The following PARVA variants were observed in gnomAD, a reference collection of about 807,000 sequenced individuals.
PARVA encodes the protein alpha-parvin.
PARVA carries 25 observed loss-of-function variants against 52.6 expected under a neutral mutation model. The ratio of observed to expected loss-of-function variants is 0.48; its 90% confidence interval spans 0.35 to 0.66. The LOEUF (loss-of-function observed/expected upper bound fraction) is 0.66. Among genes scored for constraint, PARVA ranks in the 30% least tolerant of loss-of-function variants. The pLI is 0.01. For missense variants in PARVA, 373 were observed against 450.9 expected (o/e 0.83, Z 1.56); for synonymous variants, 185 against 179.1 (o/e 1.03, Z -0.26).
At chr11:12,442,635 T>C (rs1319434980) in intron 1 of PARVA, among the ~76,000 whole-genome samples, 2 of 151,952 alleles carry the variant, frequency 1.3e-5, no homozygotes, top group Non-Finnish European at 2.9e-5. Context: ...GACTAAGCTC[T>C]TAGGGGTGCA....
chr11:12,526,222 AAAAT>A (rs1384055664), intron 12 of PARVA, among the ~76,000 whole-genome samples: 1 of 144,918 alleles, frequency 6.9e-6, no homozygotes, highest in African/African-American at 2.5e-5. Flanking sequence ...ATTGAAATAA[AAAAT>A]AAAATCTTTT....
chr11:12,497,381 G>A lies in PARVA; in HGVS notation c.541+783G>A, dbSNP rs147858465. Among the ~76,000 whole-genome samples, 305 of 152,226 alleles carry A rather than the reference G, an allele frequency of 2.0e-3. 1 individual carries two copies. The highest frequency in any genetic ancestry group is 7.0e-3 in the African/African-American group (291 of 41,538). ...TTGCCTTTAACTATTAAGGGGTTAA[G>A]TACTATGCTTTATTGCGTCTAACTT... On this transcript the variant is annotated intron_variant, in intron 5 of 12. Coordinates refer to ENST00000334956, the MANE Select transcript of PARVA (RefSeq NM_018222.5).
At chr11:12,521,718 C>T (rs182674100) in intron 12 of PARVA, among the ~76,000 whole-genome samples, 19 of 152,104 alleles carry the variant, frequency 1.2e-4, no homozygotes, top group African/African-American at 4.1e-4. Context: ...TATTATAAGT[C>T]GAAGTGGGAG....
chr11:12,510,445 C>A (rs1410908760), intron 7 of PARVA, among the ~76,000 whole-genome samples: 1 of 152,160 alleles, frequency 6.6e-6, no homozygotes, highest in Non-Finnish European at 1.5e-5. Flanking sequence ...TAAGTATTTA[C>A]CATAATTATC....
rs759398765 is a variant in PARVA at position 12,517,667 on chromosome 11, C to T, written c.925C>T (p.Pro309Ser). The T allele has an allele frequency of 2.5e-6, 4 of 1,605,064 alleles. No homozygotes were observed. The highest frequency in any genetic ancestry group is 2.2e-5 in the East Asian group (1 of 44,588). The change falls in exon 11 of 13, where the codon CCC (proline) becomes TCC (serine). Residue 309 changes from proline to serine, a missense_variant. Physicochemically the swap from Pro to Ser is moderately conservative, Grantham distance 74. Transcript: ENST00000334956. ...GGGGCTCCTGGAGGGCTACTTTGTGCCCCTGCACAGCTTCTTCCTGACCCC... is the reference window on the plus strand; with the variant it reads ...GGGGCTCCTGGAGGGCTACTTTGTGTCCCTGCACAGCTTCTTCCTGACCCC... ...LMGLLEGYFV[P>S]LHSFFLTPDS...
rs539988305 is a variant in PARVA at position 12,532,715 on chromosome 11, G to A, written c.*4790G>A. ...GGCATTTTAAAGTAATCCCTCAGTC[G>A]TGGAGCTACTCCAATGAGAAGCCTG... On this transcript the variant is annotated 3_prime_UTR_variant, in exon 13 of 13. Coordinates refer to ENST00000334956, the MANE Select transcript of PARVA (RefSeq NM_018222.5). 9.2e-5 allele frequency among the ~76,000 whole-genome samples: 14 copies of A among 152,184 alleles called. No homozygotes were observed. Among genetic ancestry groups the A allele is most frequent in the Non-Finnish European group, 1.9e-4 (13 of 68,030 alleles).
chr11:12,462,693 G>A (rs117193159), intron 1 of PARVA, among the ~76,000 whole-genome samples: 4,318 of 152,290 alleles, frequency 0.028, 88 homozygotes, highest in Middle Eastern at 0.054. Flanking sequence ...GGTGACCATG[G>A]ATAGATGCAA....
At chr11:12,408,544 C>A (rs980084139) in intron 1 of PARVA, among the ~76,000 whole-genome samples, 1 of 152,190 alleles carries the variant, frequency 6.6e-6, no homozygotes, top group Non-Finnish European at 1.5e-5. Flanking sequence ...GGGATGGTTC[C>A]TTCGGAGGCT....
intron 7 of PARVA, among the ~76,000 whole-genome samples, chr11:12,511,158 G>A (rs944296757): frequency 2.0e-5 from 3 of 152,144 alleles, no homozygotes; most frequent in African/African-American, 7.2e-5. Context: ...AGATTTTCTG[G>A]TTGGAAATCT....
At chr11:12,444,355 C>T (rs2135007514) in intron 1 of PARVA, among the ~76,000 whole-genome samples, 1 of 152,290 alleles carries the variant, frequency 6.6e-6, no homozygotes, top group Middle Eastern at 3.4e-3. Flanking sequence ...CCAGAACAGG[C>T]AGCTTAGACA....
chr11:12,428,633 TG>T (rs1940271697), intron 1 of PARVA, among the ~76,000 whole-genome samples: 1 of 152,092 alleles, frequency 6.6e-6, no homozygotes, highest in African/African-American at 2.4e-5. Context: ...TCCATCATGA[TG>T]AGATATTCAT....
intron 6 of PARVA, among the ~76,000 whole-genome samples, chr11:12,508,335 G>C (rs1429255146): frequency 1.3e-5 from 2 of 152,138 alleles, no homozygotes; most frequent in Admixed American, 6.6e-5. Context: ...ATAAAGAAAG[G>C]AAAGATTCAC....
At chr11:12,427,603 A>T (rs1017164211) in intron 1 of PARVA, among the ~76,000 whole-genome samples, 2 of 151,654 alleles carry the variant, frequency 1.3e-5, no homozygotes, top group Non-Finnish European at 2.9e-5. Context: ...TACAACAGAC[A>T]TTTTTTTTTA....
chr11:12,427,784 T>C (rs1940259687), intron 1 of PARVA, among the ~76,000 whole-genome samples: 1 of 152,230 alleles, frequency 6.6e-6, no homozygotes, highest in Non-Finnish European at 1.5e-5. Flanking sequence ...TTCCTAACTT[T>C]TACTCTCTTG....
intron 1 of PARVA, among the ~76,000 whole-genome samples, chr11:12,396,394 A>G (rs1218251533): frequency 6.6e-6 from 1 of 152,200 alleles, no homozygotes; most frequent in Non-Finnish European, 1.5e-5. Context: ...TTGTTCAACA[A>G]ATGTTGATTG....
rs1009115819 is a variant in PARVA, at chr11:12,533,316, C to T, written c.*5391C>T. Among the ~76,000 whole-genome samples the T allele has an allele frequency of 6.6e-5, 10 of 152,208 alleles. No homozygotes were observed. Among genetic ancestry groups the T allele is most frequent in the East Asian group, 1.9e-4 (1 of 5,194 alleles). On this transcript the variant is annotated 3_prime_UTR_variant, in exon 13 of 13. Coordinates refer to ENST00000334956, the MANE Select transcript of PARVA (RefSeq NM_018222.5). ...CGGAGGAGGACTCCTGTTTTACCAACGGCAGGAGCAGGAATCCCACCATTC... is the reference window on the plus strand; with the variant it reads ...CGGAGGAGGACTCCTGTTTTACCAATGGCAGGAGCAGGAATCCCACCATTC...
chr11:12,444,362 G>C (rs1940514860), intron 1 of PARVA, among the ~76,000 whole-genome samples: 1 of 152,176 alleles, frequency 6.6e-6, no homozygotes, highest in African/African-American at 2.4e-5. Context: ...AGGCAGCTTA[G>C]ACAATTAATA....
At chr11:12,523,384 G>C (rs1477804136) in intron 12 of PARVA, among the ~76,000 whole-genome samples, 1 of 152,186 alleles carries the variant, frequency 6.6e-6, no homozygotes, top group African/African-American at 2.4e-5. Flanking sequence ...TCCCACCTTG[G>C]TCAAGGGGTT....
At chr11:12,522,998 G>A (rs950308948) in intron 12 of PARVA, among the ~76,000 whole-genome samples, 1 of 152,176 alleles carries the variant, frequency 6.6e-6, no homozygotes, top group African/African-American at 2.4e-5. Flanking sequence ...ATGCTTCTAG[G>A]ATACTGACAA....
Sources: allele counts gnomAD v4.1 joint callset (sites outside exome capture counted in the v4.1 genomes callset), GRCh38; gene constraint gnomAD v4.1.1; transcripts MANE v1.5; gene names NCBI Gene and HGNC (gene_info 2026-07-23, HGNC 2026-07-21).